SHQ1: variants seen among roughly 807,000 people sequenced by gnomAD.
The protein encoded by SHQ1 is protein SHQ1 homolog.
Under a neutral mutation model 53.8 loss-of-function variants are expected in SHQ1, and 49 were observed. The observed-to-expected ratio is 0.91, with a 90% confidence interval of 0.72 to 1.16. SHQ1 has a LOEUF of 1.16. Ranked by LOEUF, SHQ1 falls within the 50% of genes most tolerant of loss-of-function variation. SHQ1 has a pLI of 0.00. For synonymous variants in SHQ1, 243 were observed against 251.0 expected, an observed-to-expected ratio of 0.97 and a Z score of 0.30; for missense variants, 738 against 683.1, an observed-to-expected ratio of 1.08 and a Z score of -0.90.
intron 4 of SHQ1, among the ~76,000 whole-genome samples, chr3:72,834,720 T>C (rs1025928194): frequency 5.9e-5 from 9 of 152,192 alleles, no homozygotes; most frequent in African/African-American, 2.2e-4. Flanking sequence ...AATACTATTA[T>C]GTAGTATTTT....
chr3:72,812,861 A>C (rs1707170508), intron 8 of SHQ1, 67 bp from the exon 9 acceptor site: 2 of 1,580,122 alleles, frequency 1.3e-6, no homozygotes, highest in African/African-American at 2.7e-5. Flanking sequence ...GTACACAATG[A>C]AATAGGAAGC....
chr3:72,738,560 G>T, the SHQ1 span, among the ~76,000 whole-genome samples: 1 of 152,110 alleles, frequency 6.6e-6, no homozygotes, highest in South Asian at 2.1e-4. Context: ...ATGGGAGTGG[G>T]CAATCTGACT....
chr3:72,745,916 C>T (rs1437420172), downstream of SHQ1, among the ~76,000 whole-genome samples: 1 of 151,638 alleles, frequency 6.6e-6, no homozygotes, highest in Non-Finnish European at 1.5e-5. Context: ...AATCTCGGCT[C>T]ACTGCAATCT....
chr3:72,760,459 A>C (rs62251649), intron 10 of SHQ1, among the ~76,000 whole-genome samples: 34,678 of 152,156 alleles, frequency 0.23, 4,159 homozygotes, highest in Non-Finnish European at 0.26. Flanking sequence ...AGATCCACTG[A>C]AATTTCATTC....
the SHQ1 span, among the ~76,000 whole-genome samples, chr3:72,727,209 G>T: frequency 6.6e-6 from 1 of 152,144 alleles, no homozygotes; most frequent in Non-Finnish European, 1.5e-5. Flanking sequence ...CTTTGTTGGG[G>T]ACAATGCCAA....
chr3:72,729,144 G>C, the SHQ1 span, among the ~76,000 whole-genome samples: 2 of 152,204 alleles, frequency 1.3e-5, no homozygotes, highest in African/African-American at 4.8e-5. Flanking sequence ...TGCCAGGGGA[G>C]GCCCCGAGCT....
the SHQ1 span, among the ~76,000 whole-genome samples, chr3:72,729,899 G>A: frequency 6.6e-6 from 1 of 151,876 alleles, no homozygotes; most frequent in East Asian, 1.9e-4. Context: ...CTCACTGCAG[G>A]CTCTGCCCCC....
At chr3:72,784,178 A>G (rs1166690689) in intron 10 of SHQ1, among the ~76,000 whole-genome samples, 1 of 150,690 alleles carries the variant, frequency 6.6e-6, no homozygotes, top group African/African-American at 2.4e-5. Flanking sequence ...AAAAAAAAAG[A>G]ACAACAAAAA....
intron 5 of SHQ1, among the ~76,000 whole-genome samples, chr3:72,830,901 T>C (rs1575730883): frequency 6.6e-6 from 1 of 152,308 alleles, no homozygotes; most frequent in African/African-American, 2.4e-5. Context: ...TCTCAGGCCA[T>C]AGTTATTCTT....
At chr3:72,805,828 A>G (rs1706925013) in intron 9 of SHQ1, among the ~76,000 whole-genome samples, 1 of 152,186 alleles carries the variant, frequency 6.6e-6, no homozygotes, top group Non-Finnish European at 1.5e-5. Context: ...GTGGCAATTA[A>G]AAGGCAATTT....
At chr3:72,833,489 GATAGATAGATAGACAGA>G (rs1559696298) in intron 4 of SHQ1, among the ~76,000 whole-genome samples, 69 of 66,638 alleles carry the variant, frequency 1.0e-3, no homozygotes, top group African/African-American at 3.1e-3. Context: ...TAGATAGATA[GATAGATAGATAGACAGA>G]CAGACAGACA....
intron 10 of SHQ1, among the ~76,000 whole-genome samples, chr3:72,751,529 T>TATATATATATATATATATATACACAC (rs1491584090): frequency 7.2e-6 from 1 of 137,994 alleles, no homozygotes; most frequent in African/African-American, 2.9e-5. Flanking sequence ...TATATATATA[T>TATATATATATATATATATATACACAC]ACATATACAT....
At position 72,750,798 on chromosome 3, in the gene SHQ1, T is replaced by A. The variant is rs1236689959; in HGVS notation, c.1220A>T (p.Glu407Val). 4.5e-6 allele frequency: 7 copies of A among 1,542,696 alleles called. No individual in the cohort carries two copies. The highest frequency in any genetic ancestry group is 6.1e-6 in the Non-Finnish European group (7 of 1,143,098). The change falls in exon 11 of 11, where the codon GAA becomes GTA. Residue 407 changes from glutamate (E) to valine (V), a missense_variant. Transcript: ENST00000325599. ...KLAALAEALK[E>V]VSLTKAQLGL... ...CAGCTGGGCCTTTGTAAGGGAGACT[T>A]CCTTTAAGGCTTCTGCAAGAGCTGC...
At chr3:72,765,557 A>ATATATATATTTTTTTT (rs1491527508) in intron 10 of SHQ1, among the ~76,000 whole-genome samples, 1 of 57,190 alleles carries the variant, frequency 1.7e-5, no homozygotes, top group African/African-American at 7.9e-5. Context: ...ATATATATAT[A>ATATATATATTTTTTTT]TTTTTTTTTT....
At chr3:72,806,764 G>C (rs1397693622) in intron 9 of SHQ1, among the ~76,000 whole-genome samples, 1 of 152,060 alleles carries the variant, frequency 6.6e-6, no homozygotes, top group Non-Finnish European at 1.5e-5. Context: ...CATCCTTCAA[G>C]TCCCAATTCA....
At position 72,832,429 on chromosome 3, in the gene SHQ1, G is replaced by A. The variant is rs1311860034; in HGVS notation, c.539C>T (p.Ala180Val). ...GGCCAGGCGCTTCTGTCTTCGTTCA[G>A]CTGCAGGGGTGAAATCTGGATCCTT... Reference protein sequence around the residue: ...DIKDPDFTPAAERRQKRLAAE... With the variant: ...DIKDPDFTPAVERRQKRLAAE... Residue 180 changes from alanine (A) to valine (V), a missense_variant, in exon 5 of 11, where the codon GCT becomes GTT. By Grantham distance (64) the Ala-to-Val change is moderately conservative. Coordinates refer to ENST00000325599, the MANE Select transcript of SHQ1 (RefSeq NM_018130.3). The A allele has an allele frequency of 6.2e-7, 1 of 1,613,024 alleles. No homozygotes were observed. Among genetic ancestry groups the A allele is most frequent in the East Asian group, 2.2e-5 (1 of 44,872 alleles).
chr3:72,840,893 A>C (rs1314363508), intron 4 of SHQ1, 152 bp downstream of exon 4: 10 of 805,668 alleles, frequency 1.2e-5, no homozygotes, highest in Non-Finnish European at 1.9e-5. Flanking sequence ...AAGGGAATGC[A>C]CATCTATGTA....
the SHQ1 span, among the ~76,000 whole-genome samples, chr3:72,738,831 C>G: frequency 6.6e-6 from 1 of 152,238 alleles, no homozygotes; most frequent in Non-Finnish European, 1.5e-5. Flanking sequence ...GGGAGACCCT[C>G]CTCCAGGCAC....
chr3:72,761,306 G>A lies in SHQ1; in HGVS notation c.1182-10470C>T, dbSNP rs7647712. On this transcript the variant is annotated intron_variant, in intron 10 of 10. Coordinates refer to ENST00000325599, the MANE Select transcript of SHQ1 (RefSeq NM_018130.3). ...CCCACTTCAGCCTACCAAGTAGCCAGGATTAGAAGCACACACCACCACGCC... is the reference window on the plus strand; with the variant it reads ...CCCACTTCAGCCTACCAAGTAGCCAAGATTAGAAGCACACACCACCACGCC... 7.0e-3 allele frequency among the ~76,000 whole-genome samples: 1,062 copies of A among 152,102 alleles called. 16 individuals carry two copies. The highest frequency in any genetic ancestry group is 0.024 in the African/African-American group (995 of 41,480).
Sources: gnomAD v4.1 joint callset for allele counts (sites outside exome capture counted in the v4.1 genomes callset) on GRCh38, gnomAD v4.1.1 for gene constraint, MANE v1.5 for transcripts, NCBI Gene and HGNC (gene_info 2026-07-23, HGNC 2026-07-21) for gene names.